Variants in MTMR7 observed in about 807,000 individuals in gnomAD.
MTMR7 encodes the protein myotubularin related protein 7, also known as phosphatidylinositol-3-phosphate phosphatase MTMR7.
Under a neutral mutation model 81.2 loss-of-function variants are expected in MTMR7, and 76 were observed. That is an observed-to-expected ratio of 0.94 (90% CI 0.78 to 1.13). The LOEUF (loss-of-function observed/expected upper bound fraction) is 1.13, where lower values mean the gene tolerates loss of function less well. MTMR7 is among the 50% of genes most tolerant of loss of function. The probability of loss-of-function intolerance (pLI) is 0.00; values close to 1 mark genes in which losing one functional copy is unlikely to be tolerated. For synonymous variants in MTMR7, 372 were observed against 289.8 expected (o/e 1.28, Z -2.88); for missense variants, 1,044 against 820.0 (o/e 1.27, Z -3.34).
At chr8:17,379,863 A>G (rs1320972426) in intron 1 of MTMR7, among the ~76,000 whole-genome samples, 1 of 152,124 alleles carries the variant, frequency 6.6e-6, no homozygotes, top group African/African-American at 2.4e-5. Flanking sequence ...GAGTGAACAA[A>G]TCTAATCTAA....
intron 1 of MTMR7, among the ~76,000 whole-genome samples, chr8:17,411,509 T>C (rs1283578810): frequency 6.6e-6 from 1 of 152,218 alleles, no homozygotes; most frequent in Non-Finnish European, 1.5e-5. Flanking sequence ...GCTTGTAGAA[T>C]AAAATAAATG....
At chr8:17,408,187 G>A (rs1821644253) in intron 1 of MTMR7, among the ~76,000 whole-genome samples, 1 of 62,664 alleles carries the variant, frequency 1.6e-5, no homozygotes, top group Non-Finnish European at 5.1e-5. Context: ...TCAGGAGATC[G>A]AGACCATCCC....
intron 8 of MTMR7, among the ~76,000 whole-genome samples, chr8:17,312,741 G>C (rs1817861178): frequency 6.6e-6 from 1 of 151,798 alleles, no homozygotes; most frequent in South Asian, 2.1e-4. Flanking sequence ...CTCAAAACAG[G>C]GAACATACCA....
At chr8:17,376,965 T>C (rs1820609342) in intron 1 of MTMR7, among the ~76,000 whole-genome samples, 1 of 152,130 alleles carries the variant, frequency 6.6e-6, no homozygotes, top group South Asian at 2.1e-4. Context: ...CAACTTGAAA[T>C]CACGACTACG....
chr8:17,297,192 G>T lies in MTMR7; in HGVS notation c.*2670C>A, dbSNP rs1816726891. On this transcript the variant is annotated 3_prime_UTR_variant, in exon 14 of 14. Coordinates refer to ENST00000180173, the MANE Select transcript of MTMR7 (RefSeq NM_004686.5). ...CAGAATTAAAGAGGAATACTTAGGA[G>T]TTACTAGGCTAATCAGTGTACGAAT... 1 of 152,172 alleles carries T rather than the reference G, an allele frequency of 6.6e-6. No homozygotes were observed. The highest frequency in any genetic ancestry group is 1.5e-5 in the Non-Finnish European group (1 of 68,004). The allele number at this position is 152,172 out of a possible 1,614,324, so 9.4% of individuals were successfully genotyped here.
chr8:17,318,345 G>C (rs959658607), intron 7 of MTMR7, among the ~76,000 whole-genome samples: 5 of 152,198 alleles, frequency 3.3e-5, no homozygotes, highest in Non-Finnish European at 7.4e-5. Flanking sequence ...GAAAAAGCTG[G>C]GCTGAAGACA....
At chr8:17,370,619 C>G (rs532767009) in intron 3 of MTMR7, among the ~76,000 whole-genome samples, 3 of 147,840 alleles carry the variant, frequency 2.0e-5, no homozygotes, top group Non-Finnish European at 4.5e-5. Flanking sequence ...GAGACCAAAC[C>G]TTAAAAGCAT....
intron 5 of MTMR7, 83 bp downstream of exon 5, chr8:17,348,870 A>G: frequency 6.6e-7 from 1 of 1,524,016 alleles, no homozygotes; most frequent in Non-Finnish European, 9.1e-7. Context: ...ACACACACGC[A>G]CAGCAGAAGG....
rs543199536 is a variant in MTMR7 at position 17,356,746 on chromosome 8, G to T, written c.468+4371C>A. On this transcript the variant is annotated intron_variant, in intron 4 of 13. Transcript: ENST00000180173. ...TAAAATAAAATAACCTTGGGTATCA[G>T]TGTGTGTGTATGCTATTAAATCCAC... Among the ~76,000 whole-genome samples, 9 of 152,008 alleles carry T rather than the reference G, an allele frequency of 5.9e-5. No individual in the cohort carries two copies. The South Asian group carries it at 1.9e-3, about 32-fold the overall frequency.
intron 5 of MTMR7, 51 bp downstream of exon 5, chr8:17,348,902 T>C: frequency 3.7e-6 from 6 of 1,609,244 alleles, no homozygotes; most frequent in East Asian, 2.2e-5. Flanking sequence ...TGCCTGCTTA[T>C]GATAAACTAG....
chr8:17,360,169 A>G (rs759008442), intron 4 of MTMR7, among the ~76,000 whole-genome samples: 4 of 152,238 alleles, frequency 2.6e-5, no homozygotes, highest in Non-Finnish European at 5.9e-5. Context: ...AAAGCAGAAT[A>G]TAAGGCACAT....
chr8:17,359,900 T>C (rs1325106826), intron 4 of MTMR7, among the ~76,000 whole-genome samples: 2 of 152,166 alleles, frequency 1.3e-5, no homozygotes, highest in Admixed American at 1.3e-4. Flanking sequence ...TTTGACAACA[T>C]GTACAAAACT....
In MTMR7 at chr8:17,311,605, A is replaced by G. The variant is rs1817783168; in HGVS notation, c.1007T>C (p.Val336Ala). The G allele has an allele frequency of 4.3e-6, 7 of 1,614,028 alleles. No individual in the cohort carries two copies. The highest frequency in any genetic ancestry group is 4.2e-6 in the Non-Finnish European group (5 of 1,180,024). The change falls in exon 9 of 14, where the codon GTT becomes GCT. Residue 336 changes from valine to alanine, a missense_variant. By Grantham distance (64) the Val-to-Ala change is moderately conservative. Transcript: ENST00000180173. ...AVSEEGASVL[V>A]HCSDGWDRTA... ...CCTGTCCCAGCCATCAGAACAGTGA[A>G]CAAGCACACTTGCCCCTTCCTCTGA...
At chr8:17,349,402 C>T in intron 4 of MTMR7, 1 of 206,678 alleles carries the variant, frequency 4.8e-6, no homozygotes. Context: ...TGCCATTTTG[C>T]ACCCTGGCTG....
At chr8:17,397,911 G>GA (rs1215611009) in intron 1 of MTMR7, among the ~76,000 whole-genome samples, 1 of 152,138 alleles carries the variant, frequency 6.6e-6, no homozygotes, top group Non-Finnish European at 1.5e-5. Flanking sequence ...TAAAGGAAGA[G>GA]AAAAAGACTA....
Position 17,309,634 on chromosome 8 carries a change from G to A in MTMR7, c.1102-308C>T, listed in dbSNP as rs573072409. 7.7e-4 allele frequency among the ~76,000 whole-genome samples: 117 copies of A among 152,218 alleles called. 1 individual carries two copies. The highest frequency in any genetic ancestry group is 3.4e-3 in the Middle Eastern group (1 of 294). On this transcript the variant is annotated intron_variant, in intron 9 of 13. Transcript: ENST00000180173. Reference sequence around the variant, plus strand: ...ACGTATGATCTCTAACTGTAGGATAGGTATTCTCACTCTTTTAGAAGGGGA... The same window carrying A: ...ACGTATGATCTCTAACTGTAGGATAAGTATTCTCACTCTTTTAGAAGGGGA...
Position 17,341,525 on chromosome 8 carries a change from C to T in MTMR7, c.598-28G>A, listed in dbSNP as rs765933432. The T allele has an allele frequency of 2.5e-6, 4 of 1,610,360 alleles. No homozygotes were observed. In the South Asian group the frequency reaches 3.3e-5, roughly 13 times the overall value. ...AGGGGGAGAGGTCACAGCAACACAG[C>T]ACCATCAGGTAACTGTACCCATGAG... On this transcript the variant is annotated intron_variant, in intron 5 of 13. Transcript: ENST00000180173.
intron 7 of MTMR7, among the ~76,000 whole-genome samples, chr8:17,330,732 C>T (rs368282049): frequency 3.3e-5 from 5 of 152,088 alleles, no homozygotes; most frequent in East Asian, 1.9e-4. Flanking sequence ...TCAGCTCCTC[C>T]GATATTCTCC....
chr8:17,314,668 G>A (rs1817970806), intron 7 of MTMR7, among the ~76,000 whole-genome samples: 1 of 152,176 alleles, frequency 6.6e-6, no homozygotes, highest in Non-Finnish European at 1.5e-5. Flanking sequence ...CAACAGTGTT[G>A]AAGGAAATAA....
Sources: allele counts gnomAD v4.1 joint callset (sites outside exome capture counted in the v4.1 genomes callset), GRCh38; gene constraint gnomAD v4.1.1; transcripts MANE v1.5; gene names NCBI Gene and HGNC (gene_info 2026-07-23, HGNC 2026-07-21).